Variants in ASTN2 observed in about 807,000 individuals in gnomAD.
ASTN2 encodes the protein astrotactin 2, also known as astrotactin-2.
In ASTN2, 54 loss-of-function variants were observed where a neutral mutation model predicts 139.8. The ratio of observed to expected loss-of-function variants is 0.39; its 90% CI spans 0.31 to 0.48. The LOEUF is 0.48. Ranked by LOEUF, ASTN2 falls within the 20% of genes least tolerant of loss-of-function variation. The pLI is 0.95. For missense variants in ASTN2, 1,565 were observed against 1,725.1 expected, an observed-to-expected ratio of 0.91 and a Z score of 1.64; for synonymous variants, 756 against 719.5, an observed-to-expected ratio of 1.05 and a Z score of -0.81.
intron 2 of ASTN2, among the ~76,000 whole-genome samples, chr9:117,237,173 A>T (rs777241993): frequency 3.4e-4 from 52 of 152,228 alleles, no homozygotes; most frequent in Non-Finnish European, 6.8e-4. Flanking sequence ...AGTAATTGTG[A>T]TTTTGCCATT....
intron 2 of ASTN2, among the ~76,000 whole-genome samples, chr9:117,273,273 C>T (rs1287789386): frequency 6.6e-6 from 1 of 152,178 alleles, no homozygotes; most frequent in African/African-American, 2.4e-5. Flanking sequence ...ATTCAATTAC[C>T]TCCCCTTGGG....
chr9:117,163,970 A>G (rs1444986534), intron 3 of ASTN2, among the ~76,000 whole-genome samples: 1 of 152,116 alleles, frequency 6.6e-6, no homozygotes. Context: ...GCAGGAACTC[A>G]CTATATGTCT....
At position 116,442,186 on chromosome 9, in the gene ASTN2, G is replaced by C. The variant is rs1340083874; in HGVS notation, c.3598+267C>G. Among the ~76,000 whole-genome samples the C allele has an allele frequency of 2.0e-5, 3 of 152,200 alleles. No homozygotes were observed. The East Asian group carries it at 5.8e-4, about 29-fold the overall frequency. ...TCTGACTCCCTACCATTTGTGGCCT[G>C]TAAGTCAGAACACAGATCAACTCTC... On this transcript the variant is annotated intron_variant, in intron 21 of 22. Coordinates refer to ENST00000313400, the MANE Select transcript of ASTN2 (RefSeq NM_001365068.1).
At chr9:116,620,702 C>G (rs1263120047) in intron 17 of ASTN2, among the ~76,000 whole-genome samples, 1 of 152,190 alleles carries the variant, frequency 6.6e-6, no homozygotes, top group Non-Finnish European at 1.5e-5. Flanking sequence ...AGGCTTGGCA[C>G]TCCACTTGTG....
chr9:116,790,532 T>C (rs957455016), intron 13 of ASTN2, among the ~76,000 whole-genome samples: 4 of 152,140 alleles, frequency 2.6e-5, no homozygotes, highest in Non-Finnish European at 4.4e-5. Flanking sequence ...CCTCACATGC[T>C]AACTGTTACT....
At chr9:117,263,444 G>A (rs925321536) in intron 2 of ASTN2, among the ~76,000 whole-genome samples, 1 of 152,086 alleles carries the variant, frequency 6.6e-6, no homozygotes, top group African/African-American at 2.4e-5. Context: ...CCTACCACTG[G>A]CATGGTGGAA....
In ASTN2 at chr9:117,139,055, G is replaced by A. The variant is rs577404315; in HGVS notation, c.1168+2271C>T. ...TGAATTCAGGTTGGTAATGAAGGGA[G>A]GAAAGGCTATAGACTTGGAGTCAAG... On this transcript the variant is annotated intron_variant, in intron 4 of 22. Coordinates refer to ENST00000313400, the MANE Select transcript of ASTN2 (RefSeq NM_001365068.1). Among the ~76,000 whole-genome samples, 6 of 152,226 alleles carry A rather than the reference G, an allele frequency of 3.9e-5. No homozygotes were observed. The East Asian group carries it at 9.7e-4, about 24-fold the overall frequency.
chr9:117,094,779 C>T (rs567406559), intron 5 of ASTN2, among the ~76,000 whole-genome samples: 1 of 152,270 alleles, frequency 6.6e-6, no homozygotes, highest in Admixed American at 6.5e-5. Context: ...TAATGTCTGA[C>T]TTATTTTGCT....
chr9:116,446,172 C>G (rs1263809391), intron 20 of ASTN2, among the ~76,000 whole-genome samples: 1 of 150,848 alleles, frequency 6.6e-6, no homozygotes, highest in Non-Finnish European at 1.5e-5. Context: ...CAAATATATA[C>G]CACAAGCAAA....
At chr9:117,342,108 A>G (rs961925107) in intron 1 of ASTN2, among the ~76,000 whole-genome samples, 2 of 152,186 alleles carry the variant, frequency 1.3e-5, no homozygotes, top group Non-Finnish European at 2.9e-5. Flanking sequence ...ATTTCATGTC[A>G]TGTATTACAA....
chr9:116,976,869 A>T, intron 7 of ASTN2, 84 bp from the exon 8 acceptor site: 2 of 1,248,896 alleles, frequency 1.6e-6, no homozygotes, highest in East Asian at 4.8e-5. Flanking sequence ...TTCCTAAGAC[A>T]TAAAGTGAGC....
chr9:117,071,512 GCCT>G (rs1211087262), intron 5 of ASTN2, among the ~76,000 whole-genome samples: 1 of 149,872 alleles, frequency 6.7e-6, no homozygotes, highest in East Asian at 2.0e-4. Flanking sequence ...AGGCAGGCAG[GCCT>G]CCTTGAGCTG....
intron 17 of ASTN2, among the ~76,000 whole-genome samples, chr9:116,636,986 G>A (rs1430650546): frequency 6.6e-6 from 1 of 152,198 alleles, no homozygotes. Flanking sequence ...TAAGGACACA[G>A]TGTTCCTCTC....
intron 4 of ASTN2, among the ~76,000 whole-genome samples, chr9:117,123,916 GC>G (rs1202258721): frequency 6.6e-6 from 1 of 152,202 alleles, no homozygotes; most frequent in African/African-American, 2.4e-5. Flanking sequence ...TCTGCGACAT[GC>G]CTGTCTGTGC....
chr9:116,439,430 GACCTC>G (rs2118868878), intron 22 of ASTN2, among the ~76,000 whole-genome samples: 3 of 139,500 alleles, frequency 2.2e-5, no homozygotes, highest in South Asian at 6.5e-4. Context: ...TCGATCTCCT[GACCTC>G]GTGATCCGCC....
chr9:116,538,769 TATC>T (rs1303086218), intron 19 of ASTN2, among the ~76,000 whole-genome samples: 4 of 152,144 alleles, frequency 2.6e-5, no homozygotes, highest in African/African-American at 9.7e-5. Context: ...AGGCAGCAAA[TATC>T]ATCACCTGTG....
At chr9:116,842,726 A>G (rs79522291) in intron 11 of ASTN2, among the ~76,000 whole-genome samples, 11,043 of 108,446 alleles carry the variant, frequency 0.1, 529 homozygotes, top group East Asian at 0.28. Context: ...CAAGGAGGGA[A>G]GCGGCGAGGG....
At chr9:117,151,710 A>G (rs1830330213) in intron 3 of ASTN2, among the ~76,000 whole-genome samples, 1 of 152,114 alleles carries the variant, frequency 6.6e-6, no homozygotes, top group Non-Finnish European at 1.5e-5. Flanking sequence ...TGAGCAAGAG[A>G]AAGGGGCAAG....
At chr9:116,627,789 T>TA (rs1309604770) in intron 17 of ASTN2, among the ~76,000 whole-genome samples, 2 of 152,160 alleles carry the variant, frequency 1.3e-5, no homozygotes, top group African/African-American at 2.4e-5. Context: ...TATTAATAAT[T>TA]ACGTGATATT....
Sources: gnomAD v4.1 joint callset for allele counts (sites outside exome capture counted in the v4.1 genomes callset) on GRCh38, gnomAD v4.1.1 for gene constraint, MANE v1.5 for transcripts, NCBI Gene and HGNC (gene_info 2026-07-23, HGNC 2026-07-21) for gene names.